Variants in MUC17 observed in about 807,000 individuals in gnomAD.
The protein encoded by MUC17 is mucin 17, cell surface associated.
A neutral mutation model predicts 170.3 loss-of-function variants in MUC17; 190 were observed. That is an observed-to-expected ratio of 1.12 (90% CI 0.99 to 1.26). The LOEUF (loss-of-function observed/expected upper bound fraction) is 1.26, where lower values mean the gene tolerates loss of function less well. MUC17 is among the 50% of genes most tolerant of loss of function. The pLI is 0.00. For synonymous variants in MUC17, 2,325 were observed against 2,002.5 expected (o/e 1.16, Z -4.30); for missense variants, 6,415 against 5,530.0 (o/e 1.16, Z -5.08).
At chr7:101,030,636 A>G (rs1794262064) in intron 1 of MUC17, among the ~76,000 whole-genome samples, 1 of 152,194 alleles carries the variant, frequency 6.6e-6, no homozygotes, top group African/African-American at 2.4e-5. Flanking sequence ...TGGTGCCATC[A>G]TAGCTCATTA....
rs118141287 is a variant in MUC17, at chr7:101,034,148, G to A, written c.2732G>A (p.Gly911Asp). Residue 911 changes from glycine to aspartate, a missense_variant, in exon 3 of 13, where the codon GGT becomes GAT. Transcript: ENST00000306151. ...EARSSPTTSE[G>D]TSMPTSTPGE... is the part of the protein sequence containing the mutation. ...CGTTCGTCTCCTACAACTTCTGAAG[G>A]TACCAGCATGCCAACCTCAACTCCT... 9.6e-4 allele frequency: 1,487 copies of A among 1,551,078 alleles called. No homozygotes were observed. In the South Asian group the frequency reaches 0.011, roughly 12 times the overall value.
In MUC17 at chr7:101,020,134, C is replaced by T. The variant is rs768917246; in HGVS notation, c.-2C>T. On this transcript the variant is annotated 5_prime_UTR_variant, in exon 1 of 13. Coordinates refer to ENST00000306151, the MANE Select transcript of MUC17 (RefSeq NM_001040105.2). The stretch of plus-strand genomic sequence containing the variant: ...GGCAAGTGAGACGTGCTCAGAGCTC[C>T]GATGCCAAGGCCAGGGACCATGGCG... The T allele has an allele frequency of 1.3e-5, 20 of 1,594,040 alleles. No homozygotes were observed. Among genetic ancestry groups the T allele is most frequent in the Admixed American group, 5.2e-5 (3 of 57,464 alleles).
chr7:101,037,617 T>C lies in MUC17; in HGVS notation c.6201T>C (p.Thr2067=). The C allele has an allele frequency of 6.2e-7, 1 of 1,613,918 alleles. No individual in the cohort carries two copies. The highest frequency in any genetic ancestry group is 8.5e-7 in the Non-Finnish European group (1 of 1,179,952). The change falls in exon 3 of 13, where the codon ACT becomes ACC. Residue 2067 remains threonine, a synonymous_variant. Coordinates refer to ENST00000306151, the MANE Select transcript of MUC17 (RefSeq NM_001040105.2). ...VSSEGNTLST[T]PVDSKTQVTN... ...CTGAGGGTAACACCCTTTCAACAAC[T>C]CCTGTTGACTCCAAAACTCAGGTGA...
Position 101,037,156 on chromosome 7 carries a change from A to T in MUC17, c.5740A>T (p.Ser1914Cys). Residue 1914 changes from serine to cysteine, a missense_variant, in exon 3 of 13, where the codon AGC (serine) becomes TGC (cysteine). Coordinates refer to ENST00000306151, the MANE Select transcript of MUC17 (RefSeq NM_001040105.2). The part of the protein sequence containing the change: ...VSSSPTTADG[S>C]SMPTSTPREG... Reference sequence around the variant, plus strand: ...TTCATCTCCTACAACTGCTGACGGTAGCAGCATGCCAACCTCAACTCCTAG... The same window carrying T: ...TTCATCTCCTACAACTGCTGACGGTTGCAGCATGCCAACCTCAACTCCTAG... The T allele has an allele frequency of 6.2e-7, 1 of 1,612,720 alleles. No individual in the cohort carries two copies. The highest frequency in any genetic ancestry group is 1.7e-4 in the Middle Eastern group (1 of 6,058).
At position 101,033,983 on chromosome 7, in the gene MUC17, C is replaced by A. The variant is rs762345083; in HGVS notation, c.2567C>A (p.Pro856Gln). ...ACACCTGCTGAAGGTACCAGCATGC[C>A]AACCTCAACTTATAGTGAAGGAAGA... ...SPTPAEGTSM[P>Q]TSTYSEGRTP... The change falls in exon 3 of 13, where the codon CCA becomes CAA. Residue 856 changes from proline to glutamine, a missense_variant. Transcript: ENST00000306151. The A allele has an allele frequency of 3.1e-6, 5 of 1,603,140 alleles. No homozygotes were observed. Among genetic ancestry groups the A allele is most frequent in the South Asian group, 2.2e-5 (2 of 90,128 alleles).
Position 101,039,834 on chromosome 7 carries a change from T to G in MUC17, c.8418T>G (p.Ser2806Arg). 1 of 1,610,264 alleles carries G rather than the reference T, an allele frequency of 6.2e-7. No homozygotes were observed. Among genetic ancestry groups the G allele is most frequent in the African/African-American group, 1.3e-5 (1 of 74,178 alleles). ...CCAGCATGCCAACCTCAACTCCTAG[T>G]GAAACAAGTACTCCATTAACTAGTA... ...EVTSMPTSTP[S>R]ETSTPLTSMP... The change falls in exon 3 of 13, where the codon AGT becomes AGG. Residue 2806 changes from serine to arginine, a missense_variant. By Grantham distance (110) the Ser-to-Arg change is moderately radical. Transcript: ENST00000306151.
chr7:101,039,560 C>T lies in MUC17; in HGVS notation c.8144C>T (p.Thr2715Ile), dbSNP rs1220603186. 6.2e-7 allele frequency: 1 copy of T among 1,612,364 alleles called. No individual in the cohort carries two copies. Among genetic ancestry groups the T allele is most frequent in the African/African-American group, 1.3e-5 (1 of 74,838 alleles). Reference sequence around the variant, plus strand: ...TCTGAGGCTAGCACCCTTTCAACAACTCCTGTTGACACCAGCACACCTGTC... The same window carrying T: ...TCTGAGGCTAGCACCCTTTCAACAATTCCTGTTGACACCAGCACACCTGTC... ...ANSEASTLST[T>I]PVDTSTPVTT... Residue 2715 changes from threonine (T) to isoleucine (I), a missense_variant, in exon 3 of 13, where the codon ACT (threonine) becomes ATT (isoleucine). Physicochemically the swap from Thr to Ile is moderately conservative, Grantham distance 89. Coordinates refer to ENST00000306151, the MANE Select transcript of MUC17 (RefSeq NM_001040105.2).
In MUC17 at chr7:101,043,055, T is replaced by A. The variant is rs1794762843; in HGVS notation, c.11639T>A (p.Leu3880His). 1 of 1,613,944 alleles carries A rather than the reference T, an allele frequency of 6.2e-7. No individual in the cohort carries two copies. Among genetic ancestry groups the A allele is most frequent in the Non-Finnish European group, 8.5e-7 (1 of 1,180,020 alleles). The change falls in exon 3 of 13, where the codon CTT becomes CAT. Residue 3880 changes from leucine (L) to histidine (H), a missense_variant. Coordinates refer to ENST00000306151, the MANE Select transcript of MUC17 (RefSeq NM_001040105.2). ...AGAAGCACTCCATTAACAACTCTCC[T>A]TGTCAGCACCACACTTCCAACTAGC... Reference protein sequence around the residue: ...SERSTPLTTLLVSTTLPTSFP... With the variant: ...SERSTPLTTLHVSTTLPTSFP...
At position 101,037,662 on chromosome 7, in the gene MUC17, T is replaced by A. The variant is rs764809839; in HGVS notation, c.6246T>A (p.Ser2082Arg). ...AGGTGACCAATTCTACTGAAGCCAG[T>A]TCATCTGCAACCGCTGAAGGTAGCA... The part of the protein sequence containing the change: ...KTQVTNSTEA[S>R]SSATAEGSSM... Residue 2082 changes from serine (S) to arginine (R), a missense_variant, in exon 3 of 13, where the codon AGT (serine) becomes AGA (arginine). Transcript: ENST00000306151. The A allele has an allele frequency of 3.1e-6, 5 of 1,613,396 alleles. No homozygotes were observed. The highest frequency in any genetic ancestry group is 4.2e-6 in the Non-Finnish European group (5 of 1,179,824).
Position 101,035,780 on chromosome 7 carries a change from C to A in MUC17, c.4364C>A (p.Thr1455Asn). The A allele has an allele frequency of 6.2e-7, 1 of 1,609,796 alleles. No individual in the cohort carries two copies. Among genetic ancestry groups the A allele is most frequent in the Non-Finnish European group, 8.5e-7 (1 of 1,177,524 alleles). Reference sequence around the variant, plus strand: ...ACCTCAACTCCTAGTGAAGGAAAGACTCCATTAAAAAGTATACCTGTCAGC... The same window carrying A: ...ACCTCAACTCCTAGTGAAGGAAAGAATCCATTAAAAAGTATACCTGTCAGC... ...IPTSTPSEGK[T>N]PLKSIPVSNT... The change falls in exon 3 of 13, where the codon ACT becomes AAT. Residue 1455 changes from threonine to asparagine, a missense_variant. By Grantham distance (65) the Thr-to-Asn change is moderately conservative. Transcript: ENST00000306151.
chr7:101,042,318 C>G lies in MUC17; in HGVS notation c.10902C>G (p.Ser3634Arg). The change falls in exon 3 of 13, where the codon AGC becomes AGG. Residue 3634 changes from serine to arginine, a missense_variant. By Grantham distance (110) the Ser-to-Arg change is moderately radical (BLOSUM62 -1). Transcript: ENST00000306151. ...CAATGTCAACTCCTAGTGAAGTAAG[C>G]ACTCCATTAACCATTATGCCTGTCA... The part of the protein sequence containing the change: ...TLPMSTPSEV[S>R]TPLTIMPVST... The G allele has an allele frequency of 6.2e-7, 1 of 1,614,052 alleles. No homozygotes were observed. The highest frequency in any genetic ancestry group is 8.5e-7 in the Non-Finnish European group (1 of 1,180,006).
rs143067910 is a variant in MUC17, at chr7:101,032,094, G to A, written c.678G>A (p.Met226Ile). The change falls in exon 3 of 13, where the codon ATG (methionine) becomes ATA (isoleucine). Residue 226 changes from methionine to isoleucine, a missense_variant. Met to Ile is a conservative substitution (Grantham distance 10). Transcript: ENST00000306151. The stretch of plus-strand genomic sequence containing the variant: ...TAACAAGTATGCCTGCCAGCACCAT[G>A]AAGGTGGCCAGTTCAGAGGCTATCA... The part of the protein sequence containing the change: ...TPLTSMPAST[M>I]KVASSEAITL... The A allele has an allele frequency of 1.6e-4, 253 of 1,613,756 alleles. 1 individual carries two copies. In the African/African-American group the frequency reaches 2.9e-3, roughly 19 times the overall value.
chr7:101,052,066 C>A, intron 9 of MUC17, 104 bp downstream of exon 9: 2 of 1,373,054 alleles, frequency 1.5e-6, no homozygotes, highest in Non-Finnish European at 2.0e-6. Context: ...GGTCATGGGA[C>A]TAGGTCCCAG....
Position 101,043,109 on chromosome 7 carries a change from C to T in MUC17, c.11693C>T (p.Pro3898Leu). 6.2e-7 allele frequency: 1 copy of T among 1,614,160 alleles called. No homozygotes were observed. The change falls in exon 3 of 13, where the codon CCT (proline) becomes CTT (leucine). Residue 3898 changes from proline (P) to leucine (L), a missense_variant. Pro to Leu is a moderately conservative substitution (Grantham distance 98). Coordinates refer to ENST00000306151, the MANE Select transcript of MUC17 (RefSeq NM_001040105.2). ...CCTGGGGCCAGCATAGCTTCGACACCTCCTCTTGACACAAGCACAACTTTT... is the reference window on the plus strand; with the variant it reads ...CCTGGGGCCAGCATAGCTTCGACACTTCCTCTTGACACAAGCACAACTTTT... The part of the protein sequence containing the change: ...SFPGASIAST[P>L]PLDTSTTFTP...
chr7:101,052,269 C>CTT (rs1483757821), intron 9 of MUC17, among the ~76,000 whole-genome samples: 1 of 152,134 alleles, frequency 6.6e-6, no homozygotes, highest in Non-Finnish European at 1.5e-5. Context: ...TGCTCTCTCT[C>CTT]CAGAGAGAGA....
At position 101,035,208 on chromosome 7, in the gene MUC17, A is replaced by C; in HGVS notation, c.3792A>C (p.Glu1264Asp). The C allele has an allele frequency of 4.3e-6, 7 of 1,609,690 alleles. No homozygotes were observed. Among genetic ancestry groups the C allele is most frequent in the South Asian group, 1.1e-5 (1 of 90,568 alleles). Reference protein sequence around the residue: ...AETSSSPTTAEGTSLPTSTTS... With the variant: ...AETSSSPTTADGTSLPTSTTS... ...CCAGTTCCTCTCCTACAACCGCTGAAGGTACCAGCTTGCCAACCTCAACTA... is the reference window on the plus strand; with the variant it reads ...CCAGTTCCTCTCCTACAACCGCTGACGGTACCAGCTTGCCAACCTCAACTA... Residue 1264 changes from glutamate to aspartate, a missense_variant, in exon 3 of 13, where the codon GAA (glutamate) becomes GAC (aspartate). Transcript: ENST00000306151.
In MUC17 at chr7:101,039,730, T is replaced by A; in HGVS notation, c.8314T>A (p.Ser2772Thr). The A allele has an allele frequency of 6.2e-7, 1 of 1,610,736 alleles. No homozygotes were observed. Among genetic ancestry groups the A allele is most frequent in the South Asian group, 1.1e-5 (1 of 90,920 alleles). The change falls in exon 3 of 13, where the codon TCA becomes ACA. Residue 2772 changes from serine to threonine, a missense_variant. Ser to Thr is a moderately conservative substitution (Grantham distance 58). Coordinates refer to ENST00000306151, the MANE Select transcript of MUC17 (RefSeq NM_001040105.2). ...PVASSEASTV[S>T]TTAVDTSIPV... ...GGCCAGTTCTGAGGCTAGCACCGTT[T>A]CAACAACTGCTGTTGACACCAGCAT...
intron 1 of MUC17, among the ~76,000 whole-genome samples, chr7:101,027,119 C>T (rs1368673355): frequency 6.6e-6 from 1 of 152,024 alleles, no homozygotes; most frequent in African/African-American, 2.4e-5. Flanking sequence ...ACTTTGGACC[C>T]AGAGCTTGGG....
Position 101,056,289 on chromosome 7 carries a change from G to A in MUC17, c.13440+19G>A. 1 of 1,613,006 alleles carries A rather than the reference G, an allele frequency of 6.2e-7. No individual in the cohort carries two copies. Among genetic ancestry groups the A allele is most frequent in the Non-Finnish European group, 8.5e-7 (1 of 1,179,444 alleles). ...AACAAAGGTAAGAAGGGCCTGGATG[G>A]GATGCTGGCCTCCCCCAACCCTGCG... On this transcript the variant is annotated intron_variant, in intron 12 of 12. Coordinates refer to ENST00000306151, the MANE Select transcript of MUC17 (RefSeq NM_001040105.2).
Sources: allele counts gnomAD v4.1 joint callset (sites outside exome capture counted in the v4.1 genomes callset), GRCh38; gene constraint gnomAD v4.1.1; transcripts MANE v1.5; gene names NCBI Gene and HGNC (gene_info 2026-07-23, HGNC 2026-07-21).